The following MARCHF8 variants were observed in gnomAD, a reference collection of about 807,000 sequenced individuals.
MARCHF8 encodes the protein membrane associated ring-CH-type finger 8.
A neutral mutation model predicts 51.6 loss-of-function variants in MARCHF8; 40 were observed. The ratio of observed to expected loss-of-function variants is 0.77; its 90% CI spans 0.60 to 1.01. The LOEUF (loss-of-function observed/expected upper bound fraction) is 1.01, where lower values mean the gene tolerates loss of function less well. Among genes scored for constraint, MARCHF8 ranks in the 50% least tolerant of loss-of-function variants. The probability of loss-of-function intolerance (pLI) is 0.00; values close to 1 mark genes in which losing one functional copy is unlikely to be tolerated. For missense variants in MARCHF8, 685 were observed against 708.6 expected, an observed-to-expected ratio of 0.97 and a Z score of 0.38; for synonymous variants, 263 against 280.3, an observed-to-expected ratio of 0.94 and a Z score of 0.62.
intron 3 of MARCHF8, among the ~76,000 whole-genome samples, chr10:45,471,823 C>T (rs1589086673): frequency 1.3e-5 from 2 of 152,204 alleles, no homozygotes; most frequent in African/African-American, 4.8e-5. Context: ...ACACACCACT[C>T]CAGGCACACC....
intron 2 of MARCHF8, among the ~76,000 whole-genome samples, chr10:45,493,775 TTTTG>T (rs1171237398): frequency 3.3e-5 from 5 of 151,928 alleles, no homozygotes; most frequent in African/African-American, 4.8e-5. Flanking sequence ...AGTCTATGAG[TTTTG>T]TTTGTTTGTT....
chr10:45,533,630 G>A (rs2043926592), intron 1 of MARCHF8, among the ~76,000 whole-genome samples: 1 of 152,020 alleles, frequency 6.6e-6, no homozygotes, highest in African/African-American at 2.4e-5. Flanking sequence ...TCATGACCAA[G>A]CATTTGTCCT....
intron 3 of MARCHF8, among the ~76,000 whole-genome samples, chr10:45,475,433 G>A (rs772288604): frequency 6.6e-6 from 1 of 152,136 alleles, no homozygotes; most frequent in African/African-American, 2.4e-5. Context: ...GTCCTACCCA[G>A]TTCCTGAGTA....
chr10:45,590,347 C>G (rs1363161359), intron 1 of MARCHF8, among the ~76,000 whole-genome samples: 2 of 152,042 alleles, frequency 1.3e-5, no homozygotes, highest in Non-Finnish European at 2.9e-5. Context: ...TCCTTAAATA[C>G]TCTGGATACT....
chr10:45,468,478 G>A (rs145817128), intron 3 of MARCHF8, among the ~76,000 whole-genome samples: 62 of 152,258 alleles, frequency 4.1e-4, no homozygotes, highest in African/African-American at 1.4e-3. Flanking sequence ...CATCAGCTAA[G>A]CTACTTTTAA....
Position 45,533,292 on chromosome 10 carries a change from G to A in MARCHF8, c.-78-3C>T. ...CATTTTGGGCCATGGATTTCAAGCT[G>A]AGAGAAAATGAAGAGAGAATAAACA... On this transcript the variant is annotated splice_region_variant and splice_polypyrimidine_tract_variant and intron_variant, in intron 1 of 7. Transcript: ENST00000453424. The A allele has an allele frequency of 1.4e-6, 2 of 1,459,842 alleles. No homozygotes were observed. The highest frequency in any genetic ancestry group is 1.8e-6 in the Non-Finnish European group (2 of 1,105,596). The allele number at this position is 1,459,842 out of a possible 1,614,324, so 90.4% of individuals were successfully genotyped here.
chr10:45,464,228 C>T lies in MARCHF8; in HGVS notation c.242+11G>A. Reference sequence around the variant, plus strand: ...ACACTGATCATGGCAGCATCTGAAGCAGAGTGTTACCTGCAGATGTCCTGG... The same window carrying T: ...ACACTGATCATGGCAGCATCTGAAGTAGAGTGTTACCTGCAGATGTCCTGG... On this transcript the variant is annotated intron_variant, in intron 4 of 7. Transcript: ENST00000453424. 1 of 1,612,994 alleles carries T rather than the reference C, an allele frequency of 6.2e-7. No homozygotes were observed. The highest frequency in any genetic ancestry group is 8.5e-7 in the Non-Finnish European group (1 of 1,178,976).
At chr10:45,461,155 C>A in intron 6 of MARCHF8, 76 bp downstream of exon 6, 2 of 1,178,030 alleles carry the variant, frequency 1.7e-6, no homozygotes, top group Admixed American at 5.9e-5. Flanking sequence ...CAAGCCATGA[C>A]CTCATGATCT....
upstream of MARCHF8, among the ~76,000 whole-genome samples, chr10:45,535,551 A>G (rs1184623151): frequency 1.3e-5 from 2 of 152,222 alleles, no homozygotes; most frequent in African/African-American, 2.4e-5. Flanking sequence ...GTCTTTTGAT[A>G]TGTACCACCA....
At chr10:45,536,905 T>A (rs1193814443), upstream of MARCHF8, among the ~76,000 whole-genome samples, 1 of 149,064 alleles carries the variant, frequency 6.7e-6, no homozygotes, top group East Asian at 2.0e-4. Context: ...CAATGAAAAA[T>A]GGGTTAATCA....
rs139447000 is a variant in MARCHF8, at chr10:45,464,293, G to A, written c.188C>T (p.Pro63Leu). 39 of 1,614,182 alleles carry A rather than the reference G, an allele frequency of 2.4e-5. No homozygotes were observed. The East Asian group carries it at 3.6e-4, about 15-fold the overall frequency. ...AGAAGTGCGAGAGAAGGAGGACACC[G>A]GAGCCGGAGCTGATGCTGACGGAGG... is the stretch of plus-strand genomic sequence containing the variant. Reference protein sequence around the residue: ...GSPPSASAPAPVSSFSRTSIT... With the variant: ...GSPPSASAPALVSSFSRTSIT... Residue 63 changes from proline (P) to leucine (L), a missense_variant, in exon 4 of 8, where the codon CCG becomes CTG. Pro to Leu is a moderately conservative substitution (Grantham distance 98). Coordinates refer to ENST00000453424, the MANE Select transcript of MARCHF8 (RefSeq NM_001282866.2).
At chr10:45,541,536 T>C (rs568446385) in intron 1 of MARCHF8, among the ~76,000 whole-genome samples, 120 of 152,280 alleles carry the variant, frequency 7.9e-4, no homozygotes, top group African/African-American at 2.8e-3. Flanking sequence ...AACCTGCACG[T>C]TGTGCACATG....
chr10:45,463,294 G>T lies in MARCHF8; in HGVS notation c.945C>A (p.Asp315Glu), dbSNP rs955949706. The change falls in exon 5 of 8, where the codon GAC (aspartate) becomes GAA (glutamate). Residue 315 changes from aspartate to glutamate, a missense_variant. Physicochemically the swap from Asp to Glu is conservative, Grantham distance 45. Coordinates refer to ENST00000453424, the MANE Select transcript of MARCHF8 (RefSeq NM_001282866.2). ...TACTCTTCAGTTTTGCAGATGTGCT[G>T]TCCTCAAAGACATCGTCGTCTCCCA... ...DEMGDDDVFE[D>E]STSAKLKSRV... is the part of the protein sequence containing the mutation. 9 of 1,550,880 alleles carry T rather than the reference G, an allele frequency of 5.8e-6. No homozygotes were observed. Among genetic ancestry groups the T allele is most frequent in the Non-Finnish European group, 7.8e-6 (9 of 1,147,096 alleles).
At chr10:45,531,183 G>T (rs1350932409) in intron 2 of MARCHF8, among the ~76,000 whole-genome samples, 3 of 152,106 alleles carry the variant, frequency 2.0e-5, no homozygotes, top group Non-Finnish European at 4.4e-5. Context: ...AAGAAAGAAT[G>T]GGGGGACAGA....
At chr10:45,495,117 T>A (rs1321005422) in intron 2 of MARCHF8, among the ~76,000 whole-genome samples, 1 of 143,620 alleles carries the variant, frequency 7.0e-6, no homozygotes, top group Non-Finnish European at 1.5e-5. Flanking sequence ...CAAAACTCCA[T>A]CTCAAAAAAA....
intron 3 of MARCHF8, among the ~76,000 whole-genome samples, chr10:45,466,209 T>C (rs1347091876): frequency 1.3e-5 from 2 of 152,162 alleles, no homozygotes; most frequent in African/African-American, 2.4e-5. Context: ...TGAGAGGGTA[T>C]CCATGCTAAG....
At chr10:45,504,773 A>G (rs943060579) in intron 2 of MARCHF8, among the ~76,000 whole-genome samples, 2 of 152,240 alleles carry the variant, frequency 1.3e-5, no homozygotes, top group Non-Finnish European at 2.9e-5. Flanking sequence ...TAAGGATGTC[A>G]AGATTCATGT....
At chr10:45,534,448 T>C (rs2043942700) in intron 1 of MARCHF8, among the ~76,000 whole-genome samples, 1 of 152,154 alleles carries the variant, frequency 6.6e-6, no homozygotes. Flanking sequence ...CCTGCCCTGT[T>C]TCTGGTTTTC....
At chr10:45,537,588 G>C (rs1204519478), upstream of MARCHF8, among the ~76,000 whole-genome samples, 2 of 151,846 alleles carry the variant, frequency 1.3e-5, no homozygotes, top group Non-Finnish European at 2.9e-5. Context: ...AGAAGGTTGA[G>C]GCTACAGTGA....
Sources: allele counts gnomAD v4.1 joint callset (sites outside exome capture counted in the v4.1 genomes callset), GRCh38; gene constraint gnomAD v4.1.1; transcripts MANE v1.5; gene names NCBI Gene and HGNC (gene_info 2026-07-23, HGNC 2026-07-21).